XPNPEP3: variants seen among roughly 807,000 people sequenced by gnomAD.
XPNPEP3 encodes the protein xaa-Pro aminopeptidase 3.
In XPNPEP3, 41 loss-of-function variants were observed where a neutral mutation model predicts 60.0. That is an observed-to-expected ratio of 0.68 (90% confidence interval 0.53 to 0.89). The LOEUF (loss-of-function observed/expected upper bound fraction) is 0.89, where lower values mean the gene tolerates loss of function less well. XPNPEP3 is among the 40% of genes least tolerant of loss of function. The pLI, the probability that XPNPEP3 is intolerant of heterozygous loss-of-function variation, is 0.00. For missense variants in XPNPEP3, 598 were observed against 638.9 expected (o/e 0.94, Z 0.69); for synonymous variants, 212 against 223.2 (o/e 0.95, Z 0.45).
At chr22:40,919,483 A>G (rs1008999673) in intron 7 of XPNPEP3, among the ~76,000 whole-genome samples, 2 of 151,304 alleles carry the variant, frequency 1.3e-5, no homozygotes, top group East Asian at 2.0e-4. Context: ...TCACATCTCA[A>G]CCTCCCAAGT....
In XPNPEP3 at chr22:40,907,567, A is replaced by T. The variant is rs2058161246; in HGVS notation, c.793-20A>T. ...CATAGAATGAGATCGTGTTCTTTTC[A>T]TCCTCCTTTCTCTTTGCAGGCTTTC... On this transcript the variant is annotated intron_variant, in intron 4 of 9. Coordinates refer to ENST00000357137, the MANE Select transcript of XPNPEP3 (RefSeq NM_022098.4). 6.2e-7 allele frequency: 1 copy of T among 1,611,118 alleles called. No homozygotes were observed. Among genetic ancestry groups the T allele is most frequent in the South Asian group, 1.1e-5 (1 of 91,026 alleles).
chr22:40,897,829 A>G (rs192535215), intron 4 of XPNPEP3, among the ~76,000 whole-genome samples: 2 of 152,264 alleles, frequency 1.3e-5, no homozygotes, highest in Non-Finnish European at 1.5e-5. Flanking sequence ...CATTTCATTA[A>G]CAGCTAGTGA....
rs1405343173 is a variant in XPNPEP3 at position 40,898,224 on chromosome 22, C to CTTTTTTT, written c.793-9363_793-9362insTTTTTTT. Among the ~76,000 whole-genome samples the CTTTTTTT allele has an allele frequency of 3.0e-4, 21 of 70,226 alleles. 1 individual carries two copies. Among genetic ancestry groups the CTTTTTTT allele is most frequent in the Admixed American group, 4.1e-4 (3 of 7,246 alleles). The allele number at this position is 70,226 out of a possible 152,430, so 46.1% of individuals were successfully genotyped here. On this transcript the variant is annotated intron_variant, in intron 4 of 9. Coordinates refer to ENST00000357137, the MANE Select transcript of XPNPEP3 (RefSeq NM_022098.4). ...ATGTTTTATGTTTAGGTCTTTGACC[C>CTTTTTTT]ATTTTTTTTTTTTTTTTTTTTTTTT...
intron 7 of XPNPEP3, among the ~76,000 whole-genome samples, chr22:40,914,821 G>A (rs1041339083): frequency 5.3e-5 from 8 of 151,740 alleles, no homozygotes; most frequent in Admixed American, 5.3e-4. Context: ...ATCCTCCATA[G>A]ATAATAATTA....
intron 2 of XPNPEP3, among the ~76,000 whole-genome samples, chr22:40,881,473 T>A (rs986835210): frequency 4.1e-5 from 6 of 147,028 alleles, no homozygotes; most frequent in Non-Finnish European, 9.2e-5. Context: ...AAAAAAAAAA[T>A]TATATTCAAT....
chr22:40,912,785 G>T (rs866876954), intron 6 of XPNPEP3, among the ~76,000 whole-genome samples: 1 of 152,006 alleles, frequency 6.6e-6, no homozygotes, highest in African/African-American at 2.4e-5. Flanking sequence ...CGGGAGAATC[G>T]CTGGAACCCA....
intron 2 of XPNPEP3, among the ~76,000 whole-genome samples, chr22:40,872,762 T>G (rs1030610753): frequency 1.3e-5 from 2 of 152,106 alleles, no homozygotes; most frequent in African/African-American, 4.8e-5. Context: ...TATTTACAGA[T>G]TGTACAGATT....
intron 2 of XPNPEP3, among the ~76,000 whole-genome samples, chr22:40,879,401 A>T (rs560486548): frequency 2.0e-5 from 3 of 152,218 alleles, no homozygotes; most frequent in Non-Finnish European, 4.4e-5. Flanking sequence ...TAAACTATAT[A>T]TAGGTAAAAC....
chr22:40,887,098 T>C (rs1484209619), intron 4 of XPNPEP3, among the ~76,000 whole-genome samples: 9 of 152,146 alleles, frequency 5.9e-5, no homozygotes, highest in Non-Finnish European at 1.0e-4. Flanking sequence ...CTTTTCCTTA[T>C]AGTTACACTA....
At chr22:40,912,402 C>T (rs905018915) in intron 6 of XPNPEP3, among the ~76,000 whole-genome samples, 1 of 152,202 alleles carries the variant, frequency 6.6e-6, no homozygotes, top group Non-Finnish European at 1.5e-5. Flanking sequence ...AAGACAGTTT[C>T]ATAAGTTATA....
intron 1 of XPNPEP3, chr22:40,861,127 C>T (rs1203814706): frequency 1.2e-6 from 2 of 1,611,954 alleles, no homozygotes; most frequent in African/African-American, 1.3e-5. Flanking sequence ...TTCCTCTTAC[C>T]ACCCTCTTTG....
intron 1 of XPNPEP3, chr22:40,860,267 G>T (rs554793358): frequency 6.6e-6 from 1 of 152,422 alleles, no homozygotes; most frequent in African/African-American, 2.4e-5. Flanking sequence ...TTTTTTCATA[G>T]AGGACAGGTC....
At chr22:40,909,615 A>G (rs2058169630) in intron 6 of XPNPEP3, among the ~76,000 whole-genome samples, 1 of 151,890 alleles carries the variant, frequency 6.6e-6, no homozygotes, top group South Asian at 2.1e-4. Context: ...AAATACAAAA[A>G]TTAGCCAGGC....
intron 3 of XPNPEP3, among the ~76,000 whole-genome samples, chr22:40,884,630 G>A (rs1368131017): frequency 1.3e-5 from 2 of 151,472 alleles, no homozygotes; most frequent in Non-Finnish European, 2.9e-5. Context: ...CACCGTGCCT[G>A]GCTAAAATCA....
At chr22:40,908,255 C>T (rs2058163866) in intron 5 of XPNPEP3, among the ~76,000 whole-genome samples, 1 of 150,804 alleles carries the variant, frequency 6.6e-6, no homozygotes, top group Non-Finnish European at 1.5e-5. Flanking sequence ...CGTGCTGGCA[C>T]ATGCCTGTAA....
chr22:40,899,907 A>G (rs532097785), intron 4 of XPNPEP3, among the ~76,000 whole-genome samples: 50 of 151,690 alleles, frequency 3.3e-4, no homozygotes, highest in South Asian at 8.4e-4. Context: ...GTGGTGGCAT[A>G]TGCCTGTAAT....
chr22:40,861,982 A>G (rs1348199268), intron 1 of XPNPEP3: 1 of 1,594,486 alleles, frequency 6.3e-7, no homozygotes, highest in East Asian at 2.2e-5. Flanking sequence ...AGAACTTCAT[A>G]GTAATCCACC....
chr22:40,924,298 C>G (rs1231322941), intron 8 of XPNPEP3, 64 bp from the exon 9 acceptor site: 3 of 1,606,870 alleles, frequency 1.9e-6, no homozygotes, highest in Non-Finnish European at 2.6e-6. Flanking sequence ...CTGATTTATA[C>G]TTGCCCAGCA....
chr22:40,895,228 A>G (rs1356381385), intron 4 of XPNPEP3, among the ~76,000 whole-genome samples: 1 of 152,180 alleles, frequency 6.6e-6, no homozygotes, highest in Non-Finnish European at 1.5e-5. Context: ...ATCCCCTGGT[A>G]GCATGCTGCA....
Sources: gnomAD v4.1 joint callset for allele counts (sites outside exome capture counted in the v4.1 genomes callset) on GRCh38, gnomAD v4.1.1 for gene constraint, MANE v1.5 for transcripts, NCBI Gene and HGNC (gene_info 2026-07-23, HGNC 2026-07-21) for gene names.